The following PDE1A variants were observed in gnomAD, a reference collection of about 807,000 sequenced individuals.
The protein encoded by PDE1A is dual specificity calcium/calmodulin-dependent 3',5'-cyclic nucleotide phosphodiesterase 1A.
Under a neutral mutation model 61.7 loss-of-function variants are expected in PDE1A, and 35 were observed. The observed-to-expected ratio is 0.57, with a 90% CI of 0.43 to 0.75. The LOEUF is 0.75. PDE1A is among the 30% of genes least tolerant of loss of function. The pLI, the probability that PDE1A is intolerant of heterozygous loss-of-function variation, is 0.00. For synonymous variants in PDE1A, 232 were observed against 213.2 expected (o/e 1.09, Z -0.77); for missense variants, 597 against 630.6 (o/e 0.95, Z 0.57).
intron 1 of PDE1A, among the ~76,000 whole-genome samples, chr2:182,392,997 G>C (rs963378643): frequency 5.9e-5 from 9 of 152,240 alleles, no homozygotes; most frequent in Non-Finnish European, 1.2e-4. Context: ...CTGGGGTCTG[G>C]AGAACAGTAG....
At chr2:182,630,615 T>G in the PDE1A span, among the ~76,000 whole-genome samples, 3 of 152,200 alleles carry the variant, frequency 2.0e-5, no homozygotes, top group Non-Finnish European at 4.4e-5. Flanking sequence ...TTTTTAAACA[T>G]TTCATCAGTT....
chr2:182,529,404 C>T, the PDE1A span, among the ~76,000 whole-genome samples: 1 of 152,186 alleles, frequency 6.6e-6, no homozygotes, highest in Non-Finnish European at 1.5e-5. Context: ...TTACCCAATG[C>T]CCATACCCCC....
intron 2 of PDE1A, among the ~76,000 whole-genome samples, chr2:182,453,425 C>T (rs888248994): frequency 2.0e-5 from 3 of 151,540 alleles, no homozygotes; most frequent in African/African-American, 4.8e-5. Flanking sequence ...GAATTGTGAA[C>T]TTCTTCATTA....
chr2:182,224,829 G>A (rs1689010239), intron 6 of PDE1A, among the ~76,000 whole-genome samples: 2 of 151,972 alleles, frequency 1.3e-5, no homozygotes, highest in Admixed American at 6.6e-5. Flanking sequence ...TGTGACAAGT[G>A]GTTACCATAC....
chr2:182,527,910 G>A (rs188711056), upstream of PDE1A, among the ~76,000 whole-genome samples: 18 of 151,878 alleles, frequency 1.2e-4, no homozygotes, highest in East Asian at 3.9e-4. Context: ...TGTGACTTTC[G>A]CCTTCCACCA....
chr2:182,364,492 A>AAAAAAAAAAAAC (rs1559379282), intron 1 of PDE1A, among the ~76,000 whole-genome samples: 1 of 145,048 alleles, frequency 6.9e-6, no homozygotes, highest in Non-Finnish European at 1.5e-5. Context: ...AAAAAAAAAA[A>AAAAAAAAAAAAC]AAAAAAACCT....
At chr2:182,690,865 A>G in the PDE1A span, among the ~76,000 whole-genome samples, 1 of 152,216 alleles carries the variant, frequency 6.6e-6, no homozygotes, top group Non-Finnish European at 1.5e-5. Flanking sequence ...AAAAATCACA[A>G]GCATTCTTAT....
rs143875053 is a variant in PDE1A at position 182,497,018 on chromosome 2, T to C, written c.101+25258A>G. The stretch of plus-strand genomic sequence containing the variant: ...CCTTATATGATAAATGGAGTTGGTA[T>C]ATGGTCTTACTTCACAGAGTTTTCC... On this transcript the variant is annotated intron_variant, in intron 2 of 14. Transcript: ENST00000410103. Among the ~76,000 whole-genome samples the C allele has an allele frequency of 8.2e-3, 1,252 of 152,350 alleles. 20 individuals are homozygous for C. Among genetic ancestry groups the C allele is most frequent in the Admixed American group, 0.036 (545 of 15,302 alleles).
intron 2 of PDE1A, among the ~76,000 whole-genome samples, chr2:182,255,670 T>A (rs898269895): frequency 2.0e-5 from 3 of 150,494 alleles, no homozygotes; most frequent in African/African-American, 7.3e-5. Context: ...TTTTTTTTTT[T>A]TTTTTGAGAC....
chr2:182,384,138 GC>G (rs1418986328), intron 1 of PDE1A, among the ~76,000 whole-genome samples: 1 of 152,136 alleles, frequency 6.6e-6, no homozygotes. Flanking sequence ...TGAGCTTCTG[GC>G]CCATCCCAGT....
the PDE1A span, among the ~76,000 whole-genome samples, chr2:182,696,205 G>A: frequency 6.6e-6 from 1 of 152,188 alleles, no homozygotes; most frequent in Non-Finnish European, 1.5e-5. Context: ...AAATGTGGAT[G>A]CAACCAAAAT....
the PDE1A span, among the ~76,000 whole-genome samples, chr2:182,577,760 A>T: frequency 3.7e-4 from 57 of 152,312 alleles, no homozygotes; most frequent in African/African-American, 1.3e-3. Flanking sequence ...TCTCTACTAA[A>T]AATACAAAAA....
Position 182,426,641 on chromosome 2 carries a change from AG to A in PDE1A, c.-12del. On this transcript the variant is annotated 5_prime_UTR_variant, in exon 1 of 14. The change abolishes the stop of an existing upstream ORF in the 5' untranslated region. Transcript: ENST00000351439. The stretch of plus-strand genomic sequence containing the variant: ...GACATGGTCATCCATTTAAAGGTGA[AG>A]GTTTAACTTCTTCCTGGAAACCACT... The A allele has an allele frequency of 1.9e-6, 3 of 1,612,446 alleles. No individual in the cohort carries two copies. The highest frequency in any genetic ancestry group is 2.5e-6 in the Non-Finnish European group (3 of 1,179,574).
At chr2:182,674,286 C>T in the PDE1A span, among the ~76,000 whole-genome samples, 1 of 151,960 alleles carries the variant, frequency 6.6e-6, no homozygotes, top group Non-Finnish European at 1.5e-5. Flanking sequence ...CCTTTCTATA[C>T]ACTGATATTT....
the PDE1A span, among the ~76,000 whole-genome samples, chr2:182,679,439 G>A: frequency 4.1e-4 from 60 of 147,480 alleles, no homozygotes; most frequent in African/African-American, 1.4e-3. Context: ...AACCTCAGGT[G>A]ATCCACGCGC....
exon 6 of PDE1A, chr2:182,230,100 C>T: frequency 6.2e-7 from 1 of 1,612,804 alleles, no homozygotes. Flanking sequence ...CTTGCTGTAA[C>T]CAACTTCTAA....
intron 2 of PDE1A, among the ~76,000 whole-genome samples, chr2:182,240,746 T>G (rs1424951178): frequency 6.6e-6 from 1 of 152,212 alleles, no homozygotes; most frequent in East Asian, 1.9e-4. Context: ...TTAAGTATAG[T>G]ACATGCTATT....
chr2:182,148,905 T>A (rs1436323671), intron 13 of PDE1A, among the ~76,000 whole-genome samples: 1 of 152,218 alleles, frequency 6.6e-6, no homozygotes, highest in Admixed American at 6.5e-5. Flanking sequence ...AGAAATCATC[T>A]TCATAAATCT....
chr2:182,430,218 G>A (rs1157949722), upstream of PDE1A, among the ~76,000 whole-genome samples: 1 of 147,500 alleles, frequency 6.8e-6, no homozygotes, highest in Non-Finnish European at 1.5e-5. Flanking sequence ...CTGACAAAGG[G>A]CTAATATCCA....
Sources: gnomAD v4.1 joint callset for allele counts (sites outside exome capture counted in the v4.1 genomes callset) on GRCh38, gnomAD v4.1.1 for gene constraint, MANE v1.5 for transcripts, NCBI Gene and HGNC (gene_info 2026-07-23, HGNC 2026-07-21) for gene names.